Variants in POTEH observed in about 807,000 individuals in gnomAD.
POTEH encodes the protein ANKRD26-like family C member 3.
POTEH carries 6 observed loss-of-function variants against 41.7 expected under a neutral mutation model. The ratio of observed to expected loss-of-function variants is 0.14; its 90% CI spans 0.08 to 0.28. The LOEUF (loss-of-function observed/expected upper bound fraction) is 0.28. POTEH is among the 10% of genes least tolerant of loss of function. POTEH has a pLI of 1.00. For synonymous variants in POTEH, 38 were observed against 179.9 expected (o/e 0.21, Z 6.31); for missense variants, 115 against 533.5 (o/e 0.22, Z 7.73).
chr22:15,691,788 A>G lies in POTEH; in HGVS notation c.632+1079A>G, dbSNP rs377370375. ...ACAGGAAATTTAGAAATACCGAAATATATGTAGGAATTTAGCGCTTGATAA... is the reference window on the plus strand; with the variant it reads ...ACAGGAAATTTAGAAATACCGAAATGTATGTAGGAATTTAGCGCTTGATAA... On this transcript the variant is annotated intron_variant, in intron 1 of 10. Transcript: ENST00000343518. Among the ~76,000 whole-genome samples the G allele has an allele frequency of 1.4e-3, 203 of 148,730 alleles. No individual in the cohort carries two copies. The South Asian group carries it at 0.019, about 14-fold the overall frequency.
intron 9 of POTEH, among the ~76,000 whole-genome samples, chr22:15,714,236 A>G (rs1462230211): frequency 6.6e-6 from 1 of 152,062 alleles, no homozygotes; most frequent in African/African-American, 2.4e-5. Flanking sequence ...GATGAGTGTC[A>G]TAGACTGGGA....
chr22:15,692,116 T>A (rs1255511387), intron 1 of POTEH, among the ~76,000 whole-genome samples: 1 of 130,960 alleles, frequency 7.6e-6, no homozygotes, highest in South Asian at 2.4e-4. Context: ...AGCAATTCTC[T>A]GCTTCAGCCT....
At position 15,690,426 on chromosome 22, in the gene POTEH, G is replaced by A. The variant is rs758952557; in HGVS notation, c.349G>A (p.Val117Met). 1.1e-5 allele frequency: 15 copies of A among 1,407,634 alleles called. No homozygotes were observed. Among genetic ancestry groups the A allele is most frequent in the South Asian group, 3.7e-5 (3 of 82,040 alleles). The allele number at this position is 1,407,634 out of a possible 1,614,324, so 87.2% of individuals were successfully genotyped here. Residue 117 changes from valine (V) to methionine (M), a missense_variant, in exon 1 of 11, where the codon GTG becomes ATG. Coordinates refer to ENST00000343518, the MANE Select transcript of POTEH (RefSeq NM_001136213.1). ...CTGCAGGGGGAGCGGCAAGAGCAAC[G>A]TGGGCACTTCTGGAGACCACGACGA... ...PCCRGSGKSNVGTSGDHDDSA... is the reference protein window; with the variant it reads ...PCCRGSGKSNMGTSGDHDDSA...
chr22:15,713,479 A>C (rs1206918054), intron 9 of POTEH, among the ~76,000 whole-genome samples: 4 of 151,802 alleles, frequency 2.6e-5, no homozygotes, highest in African/African-American at 9.7e-5. Flanking sequence ...CTCATGGCTC[A>C]GTCCTCAATC....
intron 8 of POTEH, among the ~76,000 whole-genome samples, chr22:15,710,305 G>GA (rs1989783011): frequency 3.3e-5 from 5 of 152,246 alleles, no homozygotes. Context: ...GTTTCAGTGA[G>GA]CACCTTCGTG....
intron 1 of POTEH, 143 bp downstream of exon 1, chr22:15,690,852 G>A: frequency 9.5e-7 from 1 of 1,047,456 alleles, no homozygotes; most frequent in Non-Finnish European, 1.4e-6. Flanking sequence ...GAGAGTTCAG[G>A]GCACAGGCCC....
intron 6 of POTEH, among the ~76,000 whole-genome samples, chr22:15,705,385 C>CT (rs1334343535): frequency 8.2e-6 from 1 of 121,886 alleles, no homozygotes; most frequent in African/African-American, 3.1e-5. Flanking sequence ...TGGTGTTATG[C>CT]TTTTTTCATT....
intron 7 of POTEH, among the ~76,000 whole-genome samples, chr22:15,709,045 A>T (rs1989745539): frequency 6.6e-6 from 1 of 150,858 alleles, no homozygotes; most frequent in African/African-American, 2.5e-5. Flanking sequence ...CTATTAAAGG[A>T]ATCATATCTT....
At chr22:15,712,839 C>T (rs532825802) in intron 9 of POTEH, among the ~76,000 whole-genome samples, 1 of 145,894 alleles carries the variant, frequency 6.9e-6, no homozygotes, top group African/African-American at 2.6e-5. Flanking sequence ...GAAATATTCT[C>T]GTTGAGACCT....
At chr22:15,699,720 C>T in intron 4 of POTEH, 1 of 246,938 alleles carries the variant, frequency 4.0e-6, no homozygotes. Flanking sequence ...TACCCCCTAG[C>T]TGATTTTCTA....
chr22:15,691,533 A>G (rs1989310423), intron 1 of POTEH, among the ~76,000 whole-genome samples: 2 of 137,132 alleles, frequency 1.5e-5, no homozygotes. Context: ...CTCAAAAAAA[A>G]AAAAAAAAAA....
intron 7 of POTEH, among the ~76,000 whole-genome samples, chr22:15,708,946 G>A (rs1989741320): frequency 6.6e-6 from 1 of 151,230 alleles, no homozygotes; most frequent in Non-Finnish European, 1.5e-5. Flanking sequence ...TGATACTAAG[G>A]TTAAAGATAT....
rs201703359 is a variant in POTEH, at chr22:15,692,753, T to TAA, written c.632+2057_632+2058dup. Among the ~76,000 whole-genome samples, 108 of 116,034 alleles carry TAA rather than the reference T, an allele frequency of 9.3e-4. 11 individuals carry two copies. The highest frequency in any genetic ancestry group is 1.3e-3 in the Non-Finnish European group (68 of 51,880). 76.1% of individuals were successfully genotyped at this position (116,034 alleles called of 152,430 possible). A position where few individuals can be genotyped will look rare whatever the true frequency, so the allele number is the denominator to read the frequency against. ...ATGGGTGACAGAGTGAGACCCCATC[T>TAA]AAAAAAAAAAAAAAGCATGAAATAC... On this transcript the variant is annotated intron_variant, in intron 1 of 10. Coordinates refer to ENST00000343518, the MANE Select transcript of POTEH (RefSeq NM_001136213.1).
At chr22:15,714,643 TAAG>T (rs1989896189) in intron 9 of POTEH, among the ~76,000 whole-genome samples, 1 of 151,140 alleles carries the variant, frequency 6.6e-6, no homozygotes, top group African/African-American at 2.5e-5. Flanking sequence ...ATCCCCTTTC[TAAG>T]AAGAAGAAAA....
In POTEH at chr22:15,717,120, G is replaced by A. The variant is rs374244625; in HGVS notation, c.1521-2540G>A. ...TGTGTGAGTGTATATACACACATAC[G>A]TATATGTGATATATATATATGTGAT... is the stretch of plus-strand genomic sequence containing the variant. On this transcript the variant is annotated intron_variant, in intron 9 of 10. Coordinates refer to ENST00000343518, the MANE Select transcript of POTEH (RefSeq NM_001136213.1). Among the ~76,000 whole-genome samples, 11 of 88,334 alleles carry A rather than the reference G, an allele frequency of 1.2e-4. 3 individuals carry two copies. Among genetic ancestry groups the A allele is most frequent in the African/African-American group, 1.7e-4 (5 of 28,576 alleles). The allele number at this position is 88,334 out of a possible 152,430, so 58.0% of individuals were successfully genotyped here.
chr22:15,703,580 TAATA>T (rs2087407683), intron 6 of POTEH, among the ~76,000 whole-genome samples: 1 of 141,124 alleles, frequency 7.1e-6, no homozygotes, highest in Non-Finnish European at 1.5e-5. Flanking sequence ...AAGAGTGTCA[TAATA>T]AATATGCAAA....
intron 1 of POTEH, among the ~76,000 whole-genome samples, chr22:15,691,217 A>T (rs1351798152): frequency 1.4e-3 from 178 of 130,568 alleles, no homozygotes; most frequent in African/African-American, 4.5e-3. Flanking sequence ...AGGAAGATTG[A>T]ATTTTCTGAA....
chr22:15,691,714 C>T (rs1219922324), intron 1 of POTEH, among the ~76,000 whole-genome samples: 9 of 145,742 alleles, frequency 6.2e-5, no homozygotes, highest in South Asian at 2.2e-4. Flanking sequence ...TTATTTATTT[C>T]CACAAATTGT....
At chr22:15,705,353 C>CTTTTTTT (rs377062560) in intron 6 of POTEH, among the ~76,000 whole-genome samples, 10 of 14,286 alleles carry the variant, frequency 7.0e-4, no homozygotes, top group Admixed American at 1.9e-3. Flanking sequence ...ATATGTTGGC[C>CTTTTTTT]TTTTTTTTTT....
Sources: allele counts gnomAD v4.1 joint callset (sites outside exome capture counted in the v4.1 genomes callset), GRCh38; gene constraint gnomAD v4.1.1; transcripts MANE v1.5; gene names NCBI Gene and HGNC (gene_info 2026-07-23, HGNC 2026-07-21).